Variants in CSGALNACT1 observed in about 807,000 individuals in gnomAD.
CSGALNACT1 encodes the protein beta4GalNAcT-1.
In CSGALNACT1, 52 loss-of-function variants were observed where a neutral mutation model predicts 51.0. That is an observed-to-expected ratio of 1.02 (90% CI 0.82 to 1.29). The LOEUF is 1.29. Ranked by LOEUF, CSGALNACT1 falls within the 50% of genes most tolerant of loss-of-function variation. The pLI is 0.00. For missense variants in CSGALNACT1, 935 were observed against 679.2 expected, an observed-to-expected ratio of 1.38 and a Z score of -4.19; for synonymous variants, 341 against 254.4, an observed-to-expected ratio of 1.34 and a Z score of -3.24.
chr8:19,536,026 A>G (rs964110150), intron 3 of CSGALNACT1, among the ~76,000 whole-genome samples: 21 of 152,204 alleles, frequency 1.4e-4, no homozygotes, highest in Admixed American at 3.3e-4. Flanking sequence ...AGGAAGAAGT[A>G]AAACTGTCCA....
intron 3 of CSGALNACT1, among the ~76,000 whole-genome samples, chr8:19,523,659 G>C (rs914091319): frequency 1.3e-5 from 2 of 152,230 alleles, no homozygotes; most frequent in South Asian, 2.1e-4. Context: ...TATAAACAAT[G>C]TGAATTGTAT....
intron 4 of CSGALNACT1, among the ~76,000 whole-genome samples, chr8:19,475,043 C>A (rs1039351437): frequency 1.3e-5 from 2 of 152,018 alleles, no homozygotes; most frequent in African/African-American, 2.4e-5. Context: ...GGGTGCACTG[C>A]GAGAAATCCC....
intron 3 of CSGALNACT1, among the ~76,000 whole-genome samples, chr8:19,530,501 A>C (rs749660260): frequency 1.3e-5 from 2 of 152,354 alleles, no homozygotes; most frequent in Non-Finnish European, 1.5e-5. Flanking sequence ...CATGACATGT[A>C]AACTTTACTA....
chr8:19,439,167 T>G (rs571694813), intron 6 of CSGALNACT1, among the ~76,000 whole-genome samples: 12 of 152,372 alleles, frequency 7.9e-5, no homozygotes, highest in Admixed American at 7.8e-4. Context: ...TCATTTATTT[T>G]TATAGGGAAA....
intron 1 of CSGALNACT1, among the ~76,000 whole-genome samples, chr8:19,723,963 T>C (rs1483914196): frequency 6.6e-6 from 1 of 152,174 alleles, no homozygotes; most frequent in Non-Finnish European, 1.5e-5. Context: ...TACCATTTAT[T>C]TCAAGGAGGG....
In CSGALNACT1 at chr8:19,666,999, G is replaced by GAA. The variant is rs1427911438; in HGVS notation, c.-544+15472_-544+15473dup. Among the ~76,000 whole-genome samples, 3 of 26,060 alleles carry GAA rather than the reference G, an allele frequency of 1.2e-4. No individual in the cohort carries two copies. The East Asian group carries it at 2.0e-3, about 17-fold the overall frequency. The allele number at this position is 26,060 out of a possible 152,430, so 17.1% of individuals were successfully genotyped here. A position where few individuals can be genotyped will look rare whatever the true frequency, so the allele number is the denominator to read the frequency against. ...AGAAAGAAAGAAAGAAAGAAAGAAAGAAAGAAAGAAAGAAAGAAAGGAAGG... is the reference window on the plus strand; with the variant it reads ...AGAAAGAAAGAAAGAAAGAAAGAAAGAAAAAGAAAGAAAGAAAGAAAGGAAGG... On this transcript the variant is annotated intron_variant, in intron 1 of 9. Transcript: ENST00000332246.
At chr8:19,711,832 C>T (rs2062522592) in intron 1 of CSGALNACT1, among the ~76,000 whole-genome samples, 1 of 152,124 alleles carries the variant, frequency 6.6e-6, no homozygotes, top group South Asian at 2.1e-4. Flanking sequence ...AAAGGATAAA[C>T]GAACAGTGTG....
At chr8:19,509,970 G>C (rs538153480) in intron 3 of CSGALNACT1, among the ~76,000 whole-genome samples, 1 of 152,314 alleles carries the variant, frequency 6.6e-6, no homozygotes, top group South Asian at 2.1e-4. Context: ...CTGTGGGACA[G>C]AGAGAGTAGG....
chr8:19,658,860 T>G (rs1456229991), intron 1 of CSGALNACT1, among the ~76,000 whole-genome samples: 1 of 152,254 alleles, frequency 6.6e-6, no homozygotes, highest in Non-Finnish European at 1.5e-5. Flanking sequence ...TGAAAAGTGA[T>G]ACATAGTGTT....
chr8:19,684,684 C>G (rs1019317304), upstream of CSGALNACT1, among the ~76,000 whole-genome samples: 5 of 152,142 alleles, frequency 3.3e-5, no homozygotes, highest in Non-Finnish European at 7.4e-5. Context: ...CCCTGTGCTG[C>G]CCCTGGGAGT....
chr8:19,429,386 AG>A (rs1365348910), intron 6 of CSGALNACT1, among the ~76,000 whole-genome samples: 1 of 152,174 alleles, frequency 6.6e-6, no homozygotes, highest in Non-Finnish European at 1.5e-5. Flanking sequence ...CATGTTGGCC[AG>A]GCTGGTCTCA....
intron 3 of CSGALNACT1, among the ~76,000 whole-genome samples, chr8:19,565,170 G>A (rs1239760477): frequency 6.6e-6 from 1 of 152,190 alleles, no homozygotes; most frequent in Admixed American, 6.5e-5. Flanking sequence ...CTTTCGAAGT[G>A]TTTCTGAAAT....
In CSGALNACT1 at chr8:19,420,335, C is replaced by T. The variant is rs774215424; in HGVS notation, c.1132+5G>A. 3.7e-5 allele frequency: 59 copies of T among 1,614,034 alleles called. No homozygotes were observed. The Admixed American group carries it at 9.5e-4, about 26-fold the overall frequency. ...ACCTGAGCGTGACAGAGAGATGATC[C>T]ATACCTGGCTGTGTATTCAGCCTAC... On this transcript the variant is annotated splice_donor_5th_base_variant and intron_variant, in intron 7 of 9. Transcript: ENST00000454498.
At chr8:19,487,036 T>A (rs1452016962) in intron 4 of CSGALNACT1, among the ~76,000 whole-genome samples, 1 of 152,242 alleles carries the variant, frequency 6.6e-6, no homozygotes, top group East Asian at 1.9e-4. Flanking sequence ...CTGTTATTTT[T>A]GGGGAAGAAA....
At chr8:19,743,517 TA>T (rs2064446817) in intron 1 of CSGALNACT1, among the ~76,000 whole-genome samples, 1 of 152,214 alleles carries the variant, frequency 6.6e-6, no homozygotes, top group South Asian at 2.1e-4. Flanking sequence ...TACTTGCAGC[TA>T]AATCAGCGAT....
intron 3 of CSGALNACT1, among the ~76,000 whole-genome samples, chr8:19,560,873 A>G (rs1023622935): frequency 6.6e-6 from 1 of 152,352 alleles, no homozygotes; most frequent in Non-Finnish European, 1.5e-5. Flanking sequence ...TGCAAAATCT[A>G]TATTCCCAAA....
intron 3 of CSGALNACT1, among the ~76,000 whole-genome samples, chr8:19,547,107 G>T (rs1358430169): frequency 6.6e-6 from 1 of 152,092 alleles, no homozygotes; most frequent in Non-Finnish European, 1.5e-5. Flanking sequence ...GATATCCTCA[G>T]TCTTTCCAGC....
At chr8:19,503,363 T>C (rs948568664) in intron 4 of CSGALNACT1, among the ~76,000 whole-genome samples, 2 of 152,192 alleles carry the variant, frequency 1.3e-5, no homozygotes, top group African/African-American at 4.8e-5. Context: ...AAGAGGCTGG[T>C]GTCACTGCTG....
intron 1 of CSGALNACT1, chr8:19,682,423 G>A: frequency 3.0e-6 from 1 of 334,642 alleles, no homozygotes; most frequent in South Asian, 2.4e-5. Context: ...CAAACAGAAA[G>A]TTGCAGCAAA....
Sources: gnomAD v4.1 joint callset for allele counts (sites outside exome capture counted in the v4.1 genomes callset) on GRCh38, gnomAD v4.1.1 for gene constraint, MANE v1.5 for transcripts, NCBI Gene and HGNC (gene_info 2026-07-23, HGNC 2026-07-21) for gene names.